MAP2: variants seen among roughly 807,000 people sequenced by gnomAD.
The protein encoded by MAP2 is microtubule associated protein 2.
In MAP2, 14 loss-of-function variants were observed where a neutral mutation model predicts 137.6. The ratio of observed to expected loss-of-function variants is 0.10; its 90% CI spans 0.07 to 0.16. The LOEUF (loss-of-function observed/expected upper bound fraction) is 0.16, where lower values mean the gene tolerates loss of function less well. Among genes scored for constraint, MAP2 ranks in the 10% least tolerant of loss-of-function variants. The probability of loss-of-function intolerance (pLI) is 1.00; values close to 1 mark genes in which losing one functional copy is unlikely to be tolerated. For synonymous variants in MAP2, 786 were observed against 782.3 expected (o/e 1.00, Z -0.08); for missense variants, 2,088 against 2,191.5 (o/e 0.95, Z 0.94).
intron 1 of MAP2, among the ~76,000 whole-genome samples, chr2:209,460,965 T>C (rs1702655817): frequency 6.6e-6 from 1 of 152,076 alleles, no homozygotes; most frequent in Admixed American, 6.6e-5. Context: ...GCCAGGCTGC[T>C]CTTGAACTCC....
intron 2 of MAP2, among the ~76,000 whole-genome samples, chr2:209,520,121 T>G (rs2063069737): frequency 6.6e-6 from 1 of 152,060 alleles, no homozygotes; most frequent in African/African-American, 2.4e-5. Context: ...TCCTTTTTTA[T>G]AGCAGGAACA....
chr2:209,464,278 A>C (rs1373109985), intron 1 of MAP2, among the ~76,000 whole-genome samples: 1 of 152,156 alleles, frequency 6.6e-6, no homozygotes, highest in Non-Finnish European at 1.5e-5. Context: ...AGGAATTAGC[A>C]CAGGTACTTC....
intron 2 of MAP2, chr2:209,579,575 G>A (rs973733111): frequency 8.5e-5 from 13 of 152,354 alleles, no homozygotes; most frequent in African/African-American, 3.1e-4. Context: ...CCACTGCGGG[G>A]ACTTCTAATT....
chr2:209,471,887 A>G (rs1165688107), intron 1 of MAP2, among the ~76,000 whole-genome samples: 1 of 152,176 alleles, frequency 6.6e-6, no homozygotes, highest in Non-Finnish European at 1.5e-5. Flanking sequence ...ACATAAGGAC[A>G]TGAAAATGAG....
chr2:209,658,321 A>G (rs1344806852), intron 5 of MAP2, among the ~76,000 whole-genome samples: 1 of 151,980 alleles, frequency 6.6e-6, no homozygotes, highest in East Asian at 1.9e-4. Context: ...CCTTAACAGT[A>G]TTATATCAAA....
intron 3 of MAP2, among the ~76,000 whole-genome samples, chr2:209,595,831 C>T (rs1270262388): frequency 2.0e-5 from 3 of 152,158 alleles, no homozygotes; most frequent in Admixed American, 6.5e-5. Context: ...TGGAAACCAT[C>T]ATTCTGAGCA....
chr2:209,484,804 G>A (rs1280663488), intron 1 of MAP2, among the ~76,000 whole-genome samples: 1 of 152,076 alleles, frequency 6.6e-6, no homozygotes, highest in Non-Finnish European at 1.5e-5. Flanking sequence ...AAATAACCTG[G>A]CCTTCTTGAT....
In MAP2 at chr2:209,665,284, A is replaced by G. The variant is rs1412673725; in HGVS notation, c.262+11852A>G. 2.0e-5 allele frequency among the ~76,000 whole-genome samples: 3 copies of G among 152,224 alleles called. No homozygotes were observed. The East Asian group carries it at 5.8e-4, about 29-fold the overall frequency. On this transcript the variant is annotated intron_variant, in intron 5 of 15. Transcript: ENST00000682079. The stretch of plus-strand genomic sequence containing the variant: ...GAGCTGAAAATAATATGAAAAGTCC[A>G]GATAAATGAACTTTCTAAAAGATAA...
chr2:209,533,063 G>A (rs377670543), intron 2 of MAP2, among the ~76,000 whole-genome samples: 2 of 152,138 alleles, frequency 1.3e-5, no homozygotes, highest in Non-Finnish European at 2.9e-5. Context: ...AAATAAGTGC[G>A]ATTTTACTTT....
chr2:209,498,566 A>G (rs2060022635), intron 1 of MAP2, among the ~76,000 whole-genome samples: 1 of 152,220 alleles, frequency 6.6e-6, no homozygotes, highest in Non-Finnish European at 1.5e-5. Flanking sequence ...CCCCTGCAGC[A>G]GGCTTCTGCC....
rs142795957 is a variant in MAP2 at position 209,723,548 on chromosome 2, A to G, written c.5074-2161A>G. The G allele has an allele frequency of 1.8e-4, 200 of 1,091,834 alleles. 2 individuals are homozygous for G. In the East Asian group the frequency reaches 4.6e-3, roughly 25 times the overall value. The allele number at this position is 1,091,834 out of a possible 1,614,324, so 67.6% of individuals were successfully genotyped here. On this transcript the variant is annotated intron_variant, in intron 13 of 15. Transcript: ENST00000682079. ...CCCATTCTGGTTCCCTTTATCCAGC[A>G]TCTTGATAGAAAAATGCACAGTGAA... is the stretch of plus-strand genomic sequence containing the variant.
intron 4 of MAP2, among the ~76,000 whole-genome samples, chr2:209,645,341 C>A (rs2094347161): frequency 6.6e-6 from 1 of 152,004 alleles, no homozygotes; most frequent in Non-Finnish European, 1.5e-5. Flanking sequence ...ATTTGGCTGT[C>A]TCCAATATAA....
intron 1 of MAP2, among the ~76,000 whole-genome samples, chr2:209,491,499 G>A (rs993602697): frequency 2.6e-5 from 4 of 152,126 alleles, no homozygotes; most frequent in African/African-American, 9.7e-5. Flanking sequence ...AAAAATCAGT[G>A]AATCCAGGAG....
chr2:209,643,155 G>A (rs1024562124), intron 4 of MAP2, among the ~76,000 whole-genome samples: 11 of 152,112 alleles, frequency 7.2e-5, no homozygotes, highest in East Asian at 1.9e-4. Flanking sequence ...TGTCTGTGCC[G>A]AACACATTAT....
intron 4 of MAP2, among the ~76,000 whole-genome samples, chr2:209,650,284 T>C (rs1267795923): frequency 6.6e-6 from 1 of 152,314 alleles, no homozygotes; most frequent in Non-Finnish European, 1.5e-5. Context: ...AGAAAAAGTT[T>C]TGTGGCAAAT....
chr2:209,698,576 G>A (rs562491551), intron 10 of MAP2, among the ~76,000 whole-genome samples: 12 of 152,254 alleles, frequency 7.9e-5, no homozygotes, highest in African/African-American at 2.2e-4. Context: ...TTGTATTTGT[G>A]TTCTTCATCT....
At chr2:209,519,257 A>G (rs2062938530) in intron 2 of MAP2, among the ~76,000 whole-genome samples, 1 of 152,258 alleles carries the variant, frequency 6.6e-6, no homozygotes, top group South Asian at 2.1e-4. Flanking sequence ...GAGTGGGATT[A>G]CACACATGCT....
intron 12 of MAP2, 93 bp from the exon 13 acceptor site, chr2:209,709,821 C>A: frequency 1.2e-6 from 1 of 851,694 alleles, no homozygotes; most frequent in Non-Finnish European, 1.8e-6. Flanking sequence ...AGAAATTAAA[C>A]GTATTATGAC....
chr2:209,458,989 A>G (rs1341954677), intron 1 of MAP2, among the ~76,000 whole-genome samples: 1 of 152,214 alleles, frequency 6.6e-6, no homozygotes, highest in Non-Finnish European at 1.5e-5. Context: ...TTATCTGACA[A>G]ATAATCATTG....
Sources: allele counts gnomAD v4.1 joint callset (sites outside exome capture counted in the v4.1 genomes callset), GRCh38; gene constraint gnomAD v4.1.1; transcripts MANE v1.5; gene names NCBI Gene and HGNC (gene_info 2026-07-23, HGNC 2026-07-21).